The following MIER2 variants were observed in gnomAD, a reference collection of about 807,000 sequenced individuals.
The protein encoded by MIER2 is MIER family member 2, also known as mesoderm induction early response protein 2.
MIER2 carries 30 observed loss-of-function variants against 67.6 expected under a neutral mutation model. The ratio of observed to expected loss-of-function variants is 0.44; its 90% CI spans 0.33 to 0.60. MIER2 has a LOEUF of 0.60. MIER2 is among the 20% of genes least tolerant of loss of function. The probability of loss-of-function intolerance (pLI) is 0.02; values close to 1 mark genes in which losing one functional copy is unlikely to be tolerated. For synonymous variants in MIER2, 372 were observed against 312.6 expected, an observed-to-expected ratio of 1.19 and a Z score of -2.00; for missense variants, 702 against 745.1, an observed-to-expected ratio of 0.94 and a Z score of 0.67.
chr19:327,907 C>T lies in MIER2; in HGVS notation c.326G>A (p.Gly109Asp). ...SDPISDRESE[G>D]GDVAPNLPDM... ...TGGGAGGTTCGGGGCCACGTCACCA[C>T]CCTCACTCTCCCGGTCTGAAATGGG... is the stretch of plus-strand genomic sequence containing the variant. The change falls in exon 4 of 14, where the codon GGT becomes GAT. Residue 109 changes from glycine (G) to aspartate (D), a missense_variant. Gly to Asp is a moderately conservative substitution (Grantham distance 94). Transcript: ENST00000264819. 6.2e-7 allele frequency: 1 copy of T among 1,612,796 alleles called. No homozygotes were observed. Among genetic ancestry groups the T allele is most frequent in the Non-Finnish European group, 8.5e-7 (1 of 1,179,430 alleles).
At chr19:317,991 G>A (rs1007363509) in intron 7 of MIER2, among the ~76,000 whole-genome samples, 1 of 152,000 alleles carries the variant, frequency 6.6e-6, no homozygotes, top group Non-Finnish European at 1.5e-5. Flanking sequence ...GTCACTTGAG[G>A]TCTAGAGATT....
At chr19:329,959 G>A (rs375756806) in intron 3 of MIER2, among the ~76,000 whole-genome samples, 4 of 152,048 alleles carry the variant, frequency 2.6e-5, no homozygotes, top group Non-Finnish European at 4.4e-5. Context: ...CTGTGAGGGC[G>A]TGGGAAGCAT....
At chr19:331,055 A>G (rs1972000047) in intron 3 of MIER2, among the ~76,000 whole-genome samples, 1 of 152,184 alleles carries the variant, frequency 6.6e-6, no homozygotes, top group Non-Finnish European at 1.5e-5. Context: ...CAACAGATCA[A>G]TGTCTCCCTT....
intron 1 of MIER2, among the ~76,000 whole-genome samples, chr19:341,032 G>C (rs1262936745): frequency 6.6e-6 from 1 of 152,290 alleles, no homozygotes; most frequent in East Asian, 1.9e-4. Context: ...GACACAGCAG[G>C]TGGCCACCAG....
intron 5 of MIER2, 74 bp downstream of exon 5, chr19:327,059 G>A: frequency 5.3e-6 from 8 of 1,523,412 alleles, no homozygotes; most frequent in Non-Finnish European, 7.0e-6. Context: ...TCAGCCCAAG[G>A]ACCCTTCATC....
intron 12 of MIER2, 112 bp from the exon 13 acceptor site, chr19:307,648 A>T: frequency 8.8e-7 from 1 of 1,142,574 alleles, no homozygotes; most frequent in Non-Finnish European, 1.2e-6. Context: ...CTCCCCAGAA[A>T]AGCCTCCACA....
chr19:311,438 G>T (rs1324769724), intron 10 of MIER2, among the ~76,000 whole-genome samples: 2 of 152,196 alleles, frequency 1.3e-5, no homozygotes, highest in Non-Finnish European at 2.9e-5. Flanking sequence ...GCAGGACCTG[G>T]GTCCCTGGAG....
intron 3 of MIER2, among the ~76,000 whole-genome samples, chr19:328,425 G>GA (rs987374666): frequency 0.016 from 2,104 of 132,862 alleles, 25 homozygotes; most frequent in Non-Finnish European, 0.022. Context: ...TTCCTGATTT[G>GA]AAAAAAAAAA....
Position 306,694 on chromosome 19 carries a change from C to T in MIER2, c.1634G>A (p.Cys545Tyr). 6.4e-7 allele frequency: 1 copy of T among 1,560,290 alleles called. No individual in the cohort carries two copies. Among genetic ancestry groups the T allele is most frequent in the Non-Finnish European group, 8.7e-7 (1 of 1,152,178 alleles). The change falls in exon 14 of 14, where the codon TGC becomes TAC. Residue 545 changes from cysteine to tyrosine, a missense_variant. Physicochemically the swap from Cys to Tyr is radical, Grantham distance 194. Coordinates refer to ENST00000264819, the MANE Select transcript of MIER2 (RefSeq NM_017550.3). ...EPLSHCNVMT[C>Y] ...TACGCCGCCCGCGGCCAGGAGTCAG[C>T]AGGTCATCACGTTACAGCTGCAGGG...
chr19:327,680 T>G (rs1184778702), intron 4 of MIER2, among the ~76,000 whole-genome samples, 184 bp downstream of exon 4: 1 of 152,220 alleles, frequency 6.6e-6, no homozygotes, highest in Admixed American at 6.5e-5. Flanking sequence ...GGCCTGGGGT[T>G]AAGGCTAGGG....
rs559780294 is a variant in MIER2 at position 327,984 on chromosome 19, G to A, written c.249C>T (p.Asn83=). The change falls in exon 4 of 14, where the codon AAC becomes AAT. Residue 83 remains asparagine (N), a synonymous_variant. Coordinates refer to ENST00000264819, the MANE Select transcript of MIER2 (RefSeq NM_017550.3). The part of the protein sequence containing the change: ...ELEKDFISQS[N]DMPFDELLAL... ...CAAGCAGCTCATCAAAGGGCATGTC[G>A]TTGCTCTGAGTTGGGGAAGGGAACA... is the stretch of plus-strand genomic sequence containing the variant. The A allele has an allele frequency of 5.0e-5, 80 of 1,612,962 alleles. No homozygotes were observed. The highest frequency in any genetic ancestry group is 2.6e-4 in the South Asian group (24 of 91,022).
intron 2 of MIER2, among the ~76,000 whole-genome samples, chr19:335,766 C>T (rs2145535415): frequency 6.6e-6 from 1 of 152,324 alleles, no homozygotes; most frequent in African/African-American, 2.4e-5. Flanking sequence ...CAGCAAGCCA[C>T]CCCTTCCCAA....
At chr19:307,616 G>A in intron 12 of MIER2, 80 bp from the exon 13 acceptor site, 1 of 1,367,962 alleles carries the variant, frequency 7.3e-7, no homozygotes, top group Non-Finnish European at 9.6e-7. Context: ...ACTTTGCTGG[G>A]TCCAGCAAAG....
At chr19:322,586 G>A (rs1971546683) in intron 7 of MIER2, among the ~76,000 whole-genome samples, 1 of 152,072 alleles carries the variant, frequency 6.6e-6, no homozygotes, top group Non-Finnish European at 1.5e-5. Flanking sequence ...TGCGAAAGGT[G>A]CTCACCAGGG....
chr19:327,059 G>T, intron 5 of MIER2, 74 bp downstream of exon 5: 1 of 1,523,410 alleles, frequency 6.6e-7, no homozygotes, highest in South Asian at 1.3e-5. Flanking sequence ...TCAGCCCAAG[G>T]ACCCTTCATC....
intron 7 of MIER2, among the ~76,000 whole-genome samples, chr19:325,394 G>A (rs1971693553): frequency 6.6e-6 from 1 of 152,160 alleles, no homozygotes; most frequent in Non-Finnish European, 1.5e-5. Flanking sequence ...GGCTGCTGAG[G>A]GTCTGGCTGC....
At chr19:335,730 C>T (rs913513804) in intron 2 of MIER2, among the ~76,000 whole-genome samples, 3 of 152,198 alleles carry the variant, frequency 2.0e-5, no homozygotes, top group Admixed American at 2.0e-4. Context: ...TCTCGCCGCC[C>T]TCCACCTTCT....
rs1970660566 is a variant in MIER2, at chr19:306,602, G to A, written c.*88C>T. ...GGTGCTACCCCAAGGCCCGGGGGGT[G>A]GGGAAGGGGTCAGGAAGACTGACAG... On this transcript the variant is annotated 3_prime_UTR_variant, in exon 14 of 14. Transcript: ENST00000264819. 5.9e-6 allele frequency: 9 copies of A among 1,519,880 alleles called. No homozygotes were observed. The Admixed American group carries it at 9.8e-5, about 17-fold the overall frequency. The allele number at this position is 1,519,880 out of a possible 1,614,324, so 94.1% of individuals were successfully genotyped here.
At chr19:338,238 C>T (rs1256929706) in intron 1 of MIER2, among the ~76,000 whole-genome samples, 1 of 148,484 alleles carries the variant, frequency 6.7e-6, no homozygotes, top group African/African-American at 2.5e-5. Flanking sequence ...TGTGCTGGTG[C>T]TGGTGACATG....
Sources: gnomAD v4.1 joint callset for allele counts (sites outside exome capture counted in the v4.1 genomes callset) on GRCh38, gnomAD v4.1.1 for gene constraint, MANE v1.5 for transcripts, NCBI Gene and HGNC (gene_info 2026-07-23, HGNC 2026-07-21) for gene names.